RABGAP1L: variants seen among roughly 807,000 people sequenced by gnomAD.
The protein encoded by RABGAP1L is rab GTPase-activating protein 1-like.
Under a neutral mutation model 137.7 loss-of-function variants are expected in RABGAP1L, and 63 were observed. The observed-to-expected ratio is 0.46, with a 90% CI of 0.37 to 0.56. The LOEUF is 0.56. RABGAP1L is among the 20% of genes least tolerant of loss of function. The pLI, the probability that RABGAP1L is intolerant of heterozygous loss-of-function variation, is 0.00. For synonymous variants in RABGAP1L, 431 were observed against 433.7 expected (o/e 0.99, Z 0.08); for missense variants, 1,095 against 1,244.0 (o/e 0.88, Z 1.80).
intron 10 of RABGAP1L, among the ~76,000 whole-genome samples, chr1:174,286,122 A>G (rs1258870662): frequency 6.6e-6 from 1 of 151,680 alleles, no homozygotes; most frequent in Non-Finnish European, 1.5e-5. Flanking sequence ...CTCCTCCTCA[A>G]TTTTTTTTGG....
chr1:174,600,251 G>T (rs1670310297), intron 13 of RABGAP1L, among the ~76,000 whole-genome samples: 1 of 152,128 alleles, frequency 6.6e-6, no homozygotes, highest in African/African-American at 2.4e-5. Flanking sequence ...CAATAACGTG[G>T]GAATTCTGGG....
chr1:174,470,806 T>C (rs537160404), intron 13 of RABGAP1L, among the ~76,000 whole-genome samples: 1 of 152,048 alleles, frequency 6.6e-6, no homozygotes, highest in East Asian at 1.9e-4. Context: ...TAAAATACAG[T>C]GTTTAGTTAG....
chr1:174,612,722 C>A (rs1180892691), intron 13 of RABGAP1L, among the ~76,000 whole-genome samples: 1 of 152,152 alleles, frequency 6.6e-6, no homozygotes, highest in Non-Finnish European at 1.5e-5. Context: ...TGATTATTGC[C>A]ACAATTTCAG....
chr1:174,659,256 C>T (rs1044558138), intron 14 of RABGAP1L, among the ~76,000 whole-genome samples: 3 of 150,480 alleles, frequency 2.0e-5, no homozygotes, highest in Non-Finnish European at 4.4e-5. Context: ...AAAAAAAAAT[C>T]CTCAAAAGAT....
chr1:174,638,370 T>C lies in RABGAP1L; in HGVS notation c.1824+882T>C, dbSNP rs140716638. Among the ~76,000 whole-genome samples, 54 of 152,292 alleles carry C rather than the reference T, an allele frequency of 3.5e-4. No homozygotes were observed. In the East Asian group the frequency reaches 9.1e-3, roughly 26 times the overall value. On this transcript the variant is annotated intron_variant, in intron 14 of 25. Transcript: ENST00000681986. ...TACTGTTTTTTAAAAACAGCACTTATAAAAGCACTCACTTCTCCAGCATTT... is the reference window on the plus strand; with the variant it reads ...TACTGTTTTTTAAAAACAGCACTTACAAAAGCACTCACTTCTCCAGCATTT...
At chr1:174,162,774 TC>T (rs372192289) in intron 1 of RABGAP1L, among the ~76,000 whole-genome samples, 15 of 105,228 alleles carry the variant, frequency 1.4e-4, no homozygotes, top group African/African-American at 2.6e-4. Flanking sequence ...TTTTTCTCTT[TC>T]TGTTTTTTTT....
chr1:174,433,491 G>C (rs548907087), intron 13 of RABGAP1L, among the ~76,000 whole-genome samples: 3 of 152,286 alleles, frequency 2.0e-5, no homozygotes, highest in East Asian at 3.9e-4. Flanking sequence ...GAGAAACATA[G>C]TGGAACCTCT....
intron 13 of RABGAP1L, among the ~76,000 whole-genome samples, chr1:174,536,927 A>G (rs1431354694): frequency 1.3e-5 from 2 of 152,108 alleles, no homozygotes; most frequent in Non-Finnish European, 2.9e-5. Context: ...TTCTTTGGGG[A>G]AAAAATAGGG....
In RABGAP1L at chr1:174,849,401, C is replaced by T. The variant is rs567792320; in HGVS notation, c.2340+37441C>T. Among the ~76,000 whole-genome samples the T allele has an allele frequency of 2.0e-5, 3 of 152,260 alleles. No homozygotes were observed. The South Asian group carries it at 6.2e-4, about 32-fold the overall frequency. On this transcript the variant is annotated intron_variant, in intron 19 of 25. Coordinates refer to ENST00000681986, the MANE Select transcript of RABGAP1L (RefSeq NM_001366446.1). Reference sequence around the variant, plus strand: ...GAATTTAAAAGTTGGTATGATGTGCCTAAAATAACACGCTCTTTTACTTAT... The same window carrying T: ...GAATTTAAAAGTTGGTATGATGTGCTTAAAATAACACGCTCTTTTACTTAT...
intron 18 of RABGAP1L, among the ~76,000 whole-genome samples, chr1:174,755,532 A>G (rs921293160): frequency 6.6e-6 from 1 of 152,162 alleles, no homozygotes; most frequent in Non-Finnish European, 1.5e-5. Context: ...TTCCCAAAGT[A>G]TTATATGCTT....
At chr1:174,602,340 C>G (rs184550282) in intron 13 of RABGAP1L, among the ~76,000 whole-genome samples, 2 of 152,196 alleles carry the variant, frequency 1.3e-5, no homozygotes, top group East Asian at 3.9e-4. Flanking sequence ...GAAGCAAAAG[C>G]GGAAACCCCT....
chr1:174,205,674 A>T (rs533430325), intron 1 of RABGAP1L, among the ~76,000 whole-genome samples: 2 of 150,902 alleles, frequency 1.3e-5, no homozygotes, highest in East Asian at 1.9e-4. Context: ...TTTCTTTATT[A>T]CTCTAGCTAG....
At chr1:174,360,457 G>A (rs143255590) in intron 11 of RABGAP1L, among the ~76,000 whole-genome samples, 2 of 152,204 alleles carry the variant, frequency 1.3e-5, no homozygotes, top group East Asian at 1.9e-4. Context: ...AGTCATAAAA[G>A]TTATGTTATT....
chr1:174,639,000 A>G (rs1298381950), intron 14 of RABGAP1L, among the ~76,000 whole-genome samples: 1 of 150,324 alleles, frequency 6.7e-6, no homozygotes, highest in Non-Finnish European at 1.5e-5. Flanking sequence ...TCTAACCTGC[A>G]CAATGTGCAC....
At chr1:174,791,960 C>G (rs1444273123) in intron 18 of RABGAP1L, among the ~76,000 whole-genome samples, 8 of 152,216 alleles carry the variant, frequency 5.3e-5, no homozygotes, top group Admixed American at 1.3e-4. Context: ...ATGGCAGGCT[C>G]AGGTTCCTGA....
At chr1:174,774,892 A>G (rs905411023) in intron 18 of RABGAP1L, among the ~76,000 whole-genome samples, 2 of 152,192 alleles carry the variant, frequency 1.3e-5, no homozygotes, top group African/African-American at 4.8e-5. Context: ...AAAAGAAAGA[A>G]ACCATAAAAA....
chr1:174,192,937 A>G (rs958784911), intron 1 of RABGAP1L, among the ~76,000 whole-genome samples: 1 of 152,220 alleles, frequency 6.6e-6, no homozygotes, highest in Non-Finnish European at 1.5e-5. Flanking sequence ...TGGTTGCTTC[A>G]GATCTGGACT....
rs1182089051 is a variant in RABGAP1L, at chr1:174,863,243, A to AAAAAAAAAG, written c.2340+51288_2340+51289insAAAGAAAAA. On this transcript the variant is annotated intron_variant, in intron 19 of 25. Transcript: ENST00000681986. ...ATGAGTTGTTTGTAGCAAAAAAAAA[A>AAAAAAAAAG]AAAAAGAAAAACAGTATATTTAATG... 8.6e-5 allele frequency among the ~76,000 whole-genome samples: 12 copies of AAAAAAAAAG among 140,174 alleles called. No individual in the cohort carries two copies. In the South Asian group the frequency reaches 1.9e-3, roughly 22 times the overall value. 92.0% of individuals were successfully genotyped at this position (140,174 alleles called of 152,430 possible). A position where few individuals can be genotyped will look rare whatever the true frequency, so the allele number is the denominator to read the frequency against.
At chr1:174,506,664 C>T (rs1418859572) in intron 13 of RABGAP1L, among the ~76,000 whole-genome samples, 6 of 152,080 alleles carry the variant, frequency 3.9e-5, no homozygotes, top group Non-Finnish European at 8.8e-5. Context: ...CTTGATTTAT[C>T]CACCTTACAG....
Sources: allele counts gnomAD v4.1 joint callset (sites outside exome capture counted in the v4.1 genomes callset), GRCh38; gene constraint gnomAD v4.1.1; transcripts MANE v1.5; gene names NCBI Gene and HGNC (gene_info 2026-07-23, HGNC 2026-07-21).